The following ZNF286A variants were observed in gnomAD, a reference collection of about 807,000 sequenced individuals.
The protein encoded by ZNF286A is zinc finger protein ZNF286.
Under a neutral mutation model 49.3 loss-of-function variants are expected in ZNF286A, and 34 were observed. The ratio of observed to expected loss-of-function variants is 0.69; its 90% CI spans 0.52 to 0.92. The LOEUF (loss-of-function observed/expected upper bound fraction) is 0.92. ZNF286A is among the 40% of genes least tolerant of loss of function. The pLI is 0.00. For missense variants in ZNF286A, 462 were observed against 600.2 expected (o/e 0.77, Z 2.41); for synonymous variants, 155 against 200.4 (o/e 0.77, Z 1.91).
chr17:15,714,553 T>C (rs967248508), intron 5 of ZNF286A, among the ~76,000 whole-genome samples: 6 of 152,184 alleles, frequency 3.9e-5, no homozygotes, highest in Admixed American at 2.6e-4. Context: ...AAGGTAGCTA[T>C]TGCTATCATT....
chr17:15,703,765 T>C (rs914821972), intron 3 of ZNF286A, among the ~76,000 whole-genome samples: 70 of 152,334 alleles, frequency 4.6e-4, no homozygotes, highest in Non-Finnish European at 6.5e-4. Context: ...CATTCACATA[T>C]AATACATGTG....
chr17:15,709,872 A>T, intron 5 of ZNF286A: 1 of 1,545,852 alleles, frequency 6.5e-7, no homozygotes, highest in Non-Finnish European at 8.7e-7. Flanking sequence ...GAGCTGGTTT[A>T]GGGAGATAAC....
chr17:15,712,668 C>T (rs9901752), intron 5 of ZNF286A, among the ~76,000 whole-genome samples: 109,389 of 150,400 alleles, frequency 0.73, 38,301 homozygotes, highest in South Asian at 0.86. Context: ...AATTTTCCTT[C>T]ATATATTTTT....
chr17:15,707,621 A>G (rs1420326408), intron 4 of ZNF286A, among the ~76,000 whole-genome samples: 3 of 152,172 alleles, frequency 2.0e-5, no homozygotes, highest in Non-Finnish European at 2.9e-5. Context: ...TCCTCACACA[A>G]TAAGGAAATA....
intron 5 of ZNF286A, among the ~76,000 whole-genome samples, chr17:15,709,457 A>C (rs1016894014): frequency 3.3e-5 from 5 of 152,100 alleles, no homozygotes; most frequent in South Asian, 2.1e-4. Flanking sequence ...ATGCCATTGC[A>C]CTCCAGCCTG....
At chr17:15,704,121 T>G (rs1058979) in intron 3 of ZNF286A, 1 of 680,862 alleles carries the variant, frequency 1.5e-6, no homozygotes, top group Non-Finnish European at 2.2e-6. Context: ...CAGGTCCCAG[T>G]GCCCCCTGTA....
At chr17:15,711,291 C>CAT (rs1362043862) in intron 5 of ZNF286A, 1 of 152,062 alleles carries the variant, frequency 6.6e-6, no homozygotes, top group Non-Finnish European at 1.5e-5. Context: ...TCCAAGGTTA[C>CAT]ATATATATTT....
chr17:15,711,621 C>A (rs1305294340), intron 5 of ZNF286A, among the ~76,000 whole-genome samples: 2 of 152,098 alleles, frequency 1.3e-5, no homozygotes, highest in Non-Finnish European at 2.9e-5. Flanking sequence ...AATGGCTAGA[C>A]AATAAATAAT....
intron 5 of ZNF286A, among the ~76,000 whole-genome samples, chr17:15,714,453 A>C (rs1289784201): frequency 6.6e-6 from 1 of 152,088 alleles, no homozygotes; most frequent in African/African-American, 2.4e-5. Flanking sequence ...ATGTCAATTT[A>C]TGTTTTATTT....
intron 5 of ZNF286A, among the ~76,000 whole-genome samples, chr17:15,708,738 C>T (rs1366615128): frequency 6.6e-6 from 1 of 152,206 alleles, no homozygotes; most frequent in Admixed American, 6.5e-5. Flanking sequence ...GCTTCCTTCA[C>T]TGCACATTAG....
rs1597742392 is a variant in ZNF286A at position 15,719,407 on chromosome 17, A to G, written c.*2117A>G. On this transcript the variant is annotated 3_prime_UTR_variant, in exon 6 of 6. Coordinates refer to ENST00000583566, the MANE Select transcript of ZNF286A (RefSeq NM_001130842.2). ...AGCGGAGGTTGTGCCTCTGGGCTTT[A>G]ATATCACAAACAGAGCAGCTTATAA... is the stretch of plus-strand genomic sequence containing the variant. The G allele has an allele frequency of 6.8e-6, 1 of 147,184 alleles. No homozygotes were observed. The highest frequency in any genetic ancestry group is 1.5e-5 in the Non-Finnish European group (1 of 67,008). 9.1% of individuals were successfully genotyped at this position (147,184 alleles called of 1,614,324 possible). A position where few individuals can be genotyped will look rare whatever the true frequency, so the allele number is the denominator to read the frequency against.
intron 1 of ZNF286A, 133 bp from the exon 2 acceptor site, chr17:15,700,002 G>A: frequency 1.7e-6 from 1 of 603,198 alleles, no homozygotes; most frequent in Non-Finnish European, 2.9e-6. Flanking sequence ...CCCGAGCGCG[G>A]CAGAATTTGT....
At chr17:15,701,367 G>A (rs1438663120) in intron 3 of ZNF286A, 127 bp downstream of exon 3, 2 of 736,160 alleles carry the variant, frequency 2.7e-6, no homozygotes, top group Admixed American at 2.8e-5. Flanking sequence ...AAATCTAAGA[G>A]ACTAGTCAGG....
intron 5 of ZNF286A, among the ~76,000 whole-genome samples, chr17:15,710,860 A>G (rs1388504097): frequency 6.6e-6 from 1 of 151,260 alleles, no homozygotes; most frequent in African/African-American, 2.4e-5. Context: ...TATGTTACAG[A>G]TATTTTTTCT....
At chr17:15,707,877 G>A (rs1597717497) in intron 4 of ZNF286A, among the ~76,000 whole-genome samples, 1 of 152,040 alleles carries the variant, frequency 6.6e-6, no homozygotes, top group Non-Finnish European at 1.5e-5. Context: ...AAAGTTGGTC[G>A]TGGTGGCTCA....
chr17:15,707,163 G>A (rs1374767535), intron 4 of ZNF286A, among the ~76,000 whole-genome samples: 3 of 152,120 alleles, frequency 2.0e-5, no homozygotes, highest in South Asian at 4.1e-4. Flanking sequence ...TTCTGAGGCC[G>A]GGCGCGGTGG....
chr17:15,710,011 A>G, intron 5 of ZNF286A: 2 of 1,238,744 alleles, frequency 1.6e-6, no homozygotes, highest in Non-Finnish European at 1.1e-6. Flanking sequence ...TAAAATTTTC[A>G]TTTCTCTGAG....
At chr17:15,704,322 A>G in intron 3 of ZNF286A, 2 of 1,610,444 alleles carry the variant, frequency 1.2e-6, no homozygotes, top group South Asian at 2.2e-5. Context: ...TGGCCATGGG[A>G]CCCTCAGCCC....
chr17:15,708,603 G>A (rs563313276), intron 5 of ZNF286A, among the ~76,000 whole-genome samples: 7 of 152,160 alleles, frequency 4.6e-5, no homozygotes, highest in Non-Finnish European at 7.4e-5. Context: ...TAGAAGCACC[G>A]GTGTGCCCTG....
Sources: allele counts gnomAD v4.1 joint callset (sites outside exome capture counted in the v4.1 genomes callset), GRCh38; gene constraint gnomAD v4.1.1; transcripts MANE v1.5; gene names NCBI Gene and HGNC (gene_info 2026-07-23, HGNC 2026-07-21).